Variants in LARGE1 observed in about 807,000 individuals in gnomAD.
The protein encoded by LARGE1 is LARGE xylosyl- and glucuronyltransferase 1.
A neutral mutation model predicts 87.6 loss-of-function variants in LARGE1; 43 were observed. The ratio of observed to expected loss-of-function variants is 0.49; its 90% CI spans 0.38 to 0.63. The LOEUF (loss-of-function observed/expected upper bound fraction) is 0.63. Among genes scored for constraint, LARGE1 ranks in the 30% least tolerant of loss-of-function variants. The pLI is 0.00. For synonymous variants in LARGE1, 434 were observed against 394.6 expected, an observed-to-expected ratio of 1.10 and a Z score of -1.18; for missense variants, 802 against 1,000.2, an observed-to-expected ratio of 0.80 and a Z score of 2.67.
the LARGE1 span, among the ~76,000 whole-genome samples, chr22:33,145,506 A>G: frequency 6.6e-6 from 1 of 152,192 alleles, no homozygotes; most frequent in African/African-American, 2.4e-5. Flanking sequence ...AGGGACAAAC[A>G]AGGAGACCAA....
intron 11 of LARGE1, among the ~76,000 whole-genome samples, chr22:33,248,711 G>T (rs368880761): frequency 3.3e-5 from 5 of 152,194 alleles, no homozygotes; most frequent in African/African-American, 9.6e-5. Flanking sequence ...TCTCTGTGTG[G>T]TCAACTCCCA....
the LARGE1 span, among the ~76,000 whole-genome samples, chr22:33,120,424 TTC>T: frequency 0.027 from 3,423 of 124,664 alleles, 67 homozygotes; most frequent in East Asian, 0.076. Context: ...CTTTCTTTCT[TTC>T]TCTCTCTCTC....
intron 6 of LARGE1, among the ~76,000 whole-genome samples, chr22:33,450,528 G>A (rs1453384237): frequency 2.6e-5 from 4 of 151,798 alleles, no homozygotes; most frequent in African/African-American, 7.3e-5. Flanking sequence ...CAGGAGAATC[G>A]CTGGAACCCA....
At chr22:33,510,338 T>C (rs2070997441) in intron 6 of LARGE1, among the ~76,000 whole-genome samples, 1 of 152,188 alleles carries the variant, frequency 6.6e-6, no homozygotes, top group East Asian at 1.9e-4. Flanking sequence ...TCAATAACTA[T>C]ATGAGTTAGG....
chr22:33,357,047 C>T (rs1940957249), intron 9 of LARGE1, among the ~76,000 whole-genome samples: 1 of 152,130 alleles, frequency 6.6e-6, no homozygotes, highest in Non-Finnish European at 1.5e-5. Flanking sequence ...ATCATTGTAA[C>T]AATAAGATAG....
intron 1 of LARGE1, among the ~76,000 whole-genome samples, chr22:33,872,082 A>G (rs1422658873): frequency 1.3e-5 from 2 of 151,784 alleles, no homozygotes; most frequent in African/African-American, 4.8e-5. Context: ...TTCGAGTTGA[A>G]GAACCTAAAA....
chr22:33,527,910 C>T (rs1447407457), intron 6 of LARGE1, among the ~76,000 whole-genome samples: 1 of 152,168 alleles, frequency 6.6e-6, no homozygotes, highest in Non-Finnish European at 1.5e-5. Flanking sequence ...AGCAGAACAA[C>T]TTTGGTGCCA....
the LARGE1 span, among the ~76,000 whole-genome samples, chr22:33,066,963 G>A: frequency 1.8e-4 from 27 of 152,104 alleles, no homozygotes; most frequent in East Asian, 3.5e-3. Context: ...CCTTTGTGTC[G>A]AGCAGAACAG....
At position 33,660,439 on chromosome 22, in the gene LARGE1, G is replaced by A. The variant is rs560452085; in HGVS notation, c.107-9771C>T. On this transcript the variant is annotated intron_variant, in intron 2 of 14. Transcript: ENST00000397394. ...TAGAAAAGGTGAATAGATATTCACC[G>A]CAAATCCTGACAATTGATCTGTGTG... Among the ~76,000 whole-genome samples, 130 of 152,244 alleles carry A rather than the reference G, an allele frequency of 8.5e-4. No homozygotes were observed. The South Asian group carries it at 0.026, about 30-fold the overall frequency.
chr22:33,849,546 G>A (rs1022538852), intron 1 of LARGE1, among the ~76,000 whole-genome samples: 8 of 150,394 alleles, frequency 5.3e-5, no homozygotes, highest in Admixed American at 3.3e-4. Flanking sequence ...ACCAGGCTAT[G>A]AGTTTTCAAC....
chr22:33,590,595 T>C (rs1429062045), intron 5 of LARGE1, among the ~76,000 whole-genome samples: 2 of 152,172 alleles, frequency 1.3e-5, no homozygotes, highest in Admixed American at 1.3e-4. Flanking sequence ...TCCTATTAAC[T>C]CTGTCTTGCT....
At chr22:33,433,573 G>A (rs1034648639) in intron 6 of LARGE1, among the ~76,000 whole-genome samples, 1 of 146,058 alleles carries the variant, frequency 6.8e-6, no homozygotes, top group Non-Finnish European at 1.5e-5. Context: ...TCCAGTCTGG[G>A]TGAGAGAGCA....
chr22:33,906,878 G>C (rs1235571255), intron 1 of LARGE1, among the ~76,000 whole-genome samples: 2 of 152,044 alleles, frequency 1.3e-5, no homozygotes, highest in African/African-American at 4.8e-5. Flanking sequence ...AAGAGATGAA[G>C]GGAAAGGGAA....
chr22:33,861,745 C>T (rs1303699201), intron 1 of LARGE1: 1 of 152,344 alleles, frequency 6.6e-6, no homozygotes, highest in Non-Finnish European at 1.5e-5. Context: ...ATGCAACTCA[C>T]TTCTGCTCAC....
intron 1 of LARGE1, among the ~76,000 whole-genome samples, chr22:33,904,208 A>G (rs1330814625): frequency 6.6e-6 from 1 of 151,902 alleles, no homozygotes; most frequent in Non-Finnish European, 1.5e-5. Flanking sequence ...ATGGAGTCTC[A>G]TTCTGTCGCC....
chr22:33,753,303 A>G (rs1443719128), intron 2 of LARGE1, among the ~76,000 whole-genome samples: 1 of 152,134 alleles, frequency 6.6e-6, no homozygotes, highest in African/African-American at 2.4e-5. Flanking sequence ...TAACAACAGA[A>G]GTAGAGGTTA....
chr22:33,151,530 T>TG, the LARGE1 span, among the ~76,000 whole-genome samples: 1 of 152,216 alleles, frequency 6.6e-6, no homozygotes, highest in African/African-American at 2.4e-5. Flanking sequence ...CTTAACAAAA[T>TG]GGAATTCAGT....
At chr22:33,830,359 G>T (rs1315860829) in intron 1 of LARGE1, among the ~76,000 whole-genome samples, 1 of 152,166 alleles carries the variant, frequency 6.6e-6, no homozygotes, top group African/African-American at 2.4e-5. Flanking sequence ...GGAGCTGGCT[G>T]CTGTCGAGTT....
intron 9 of LARGE1, among the ~76,000 whole-genome samples, chr22:33,338,300 G>A (rs1938724766): frequency 6.6e-6 from 1 of 152,102 alleles, no homozygotes; most frequent in Non-Finnish European, 1.5e-5. Flanking sequence ...CCCAGCAGTG[G>A]CACCTCCTTC....
Sources: gnomAD v4.1 joint callset for allele counts (sites outside exome capture counted in the v4.1 genomes callset) on GRCh38, gnomAD v4.1.1 for gene constraint, MANE v1.5 for transcripts, NCBI Gene and HGNC (gene_info 2026-07-23, HGNC 2026-07-21) for gene names.